Variants in TRIM24 observed in about 807,000 individuals in gnomAD.
The protein encoded by TRIM24 is transcription intermediary factor 1-alpha.
In TRIM24, 29 loss-of-function variants were observed where a neutral mutation model predicts 123.9. The observed-to-expected ratio is 0.23, with a 90% CI of 0.17 to 0.32. The LOEUF (loss-of-function observed/expected upper bound fraction) is 0.32, where lower values mean the gene tolerates loss of function less well. Among genes scored for constraint, TRIM24 ranks in the 10% least tolerant of loss-of-function variants. The pLI is 1.00. For missense variants in TRIM24, 932 were observed against 1,295.3 expected, an observed-to-expected ratio of 0.72 and a Z score of 4.31; for synonymous variants, 456 against 461.1, an observed-to-expected ratio of 0.99 and a Z score of 0.14.
chr7:138,545,614 G>A, intron 7 of TRIM24: 1 of 436,532 alleles, frequency 2.3e-6, no homozygotes, highest in Admixed American at 2.4e-5. Context: ...ATGTCCATCT[G>A]TATGTGTGTA....
At chr7:138,515,048 T>C (rs1288411644) in intron 2 of TRIM24, among the ~76,000 whole-genome samples, 164 bp from the exon 3 acceptor site, 2 of 152,244 alleles carry the variant, frequency 1.3e-5, no homozygotes, top group African/African-American at 4.8e-5. Context: ...TTTTCATTTC[T>C]TATGTGTATA....
At chr7:138,463,296 G>C (rs779968490) in intron 1 of TRIM24, among the ~76,000 whole-genome samples, 1 of 151,162 alleles carries the variant, frequency 6.6e-6, no homozygotes. Context: ...TCGCTTTGTC[G>C]TTCAGGCTGG....
chr7:138,571,133 T>G (rs1584744798), intron 11 of TRIM24, 130 bp downstream of exon 11: 4 of 888,292 alleles, frequency 4.5e-6, no homozygotes, highest in East Asian at 2.6e-5. Flanking sequence ...AGTTCGAGAC[T>G]AGCCTGGCCA....
chr7:138,496,783 G>A (rs961372473), intron 1 of TRIM24, among the ~76,000 whole-genome samples: 1 of 151,990 alleles, frequency 6.6e-6, no homozygotes, highest in African/African-American at 2.4e-5. Context: ...TTTCAGGCAT[G>A]AGCCTCTGTG....
intron 1 of TRIM24, among the ~76,000 whole-genome samples, chr7:138,481,951 A>C (rs1795536283): frequency 6.6e-6 from 1 of 152,188 alleles, no homozygotes; most frequent in Non-Finnish European, 1.5e-5. Context: ...CCTGCTATCC[A>C]AGCCCCATTA....
intron 16 of TRIM24, among the ~76,000 whole-genome samples, chr7:138,581,488 A>C (rs902221257): frequency 1.3e-5 from 2 of 152,250 alleles, no homozygotes; most frequent in African/African-American, 4.8e-5. Context: ...ATGGTTTTCT[A>C]GTGATTGTCT....
At chr7:138,498,345 C>T (rs551584051) in intron 1 of TRIM24, among the ~76,000 whole-genome samples, 84 of 152,252 alleles carry the variant, frequency 5.5e-4, no homozygotes, top group African/African-American at 1.9e-3. Flanking sequence ...CTGCCTCAGC[C>T]TCCCGAGTAG....
intron 1 of TRIM24, among the ~76,000 whole-genome samples, chr7:138,465,734 T>A (rs1795121125): frequency 6.6e-6 from 1 of 152,196 alleles, no homozygotes; most frequent in Non-Finnish European, 1.5e-5. Context: ...GTCCTATATA[T>A]ATAAAAATAT....
chr7:138,572,356 T>G (rs571951299), intron 11 of TRIM24, among the ~76,000 whole-genome samples: 1 of 152,316 alleles, frequency 6.6e-6, no homozygotes, highest in South Asian at 2.1e-4. Context: ...TTTGTACTCT[T>G]TGAAAAATAT....
intron 1 of TRIM24, among the ~76,000 whole-genome samples, chr7:138,484,950 T>TA (rs1795611506): frequency 1.3e-5 from 2 of 152,060 alleles, no homozygotes; most frequent in African/African-American, 4.8e-5. Context: ...TTTATATAAA[T>TA]TTTCAATTTT....
intron 7 of TRIM24, among the ~76,000 whole-genome samples, chr7:138,541,130 C>T (rs1005813382): frequency 6.6e-6 from 1 of 152,132 alleles, no homozygotes; most frequent in Admixed American, 6.5e-5. Context: ...TGAACCACTG[C>T]ACCCAGCCGC....
intron 1 of TRIM24, among the ~76,000 whole-genome samples, chr7:138,478,303 T>C (rs1795447466): frequency 6.6e-6 from 1 of 152,084 alleles, no homozygotes; most frequent in Non-Finnish European, 1.5e-5. Flanking sequence ...ACTAGTATAA[T>C]TAAAGGAAAC....
At chr7:138,461,075 C>T (rs1020058896) in intron 1 of TRIM24, 163 bp downstream of exon 1, 1 of 816,566 alleles carries the variant, frequency 1.2e-6, no homozygotes, top group Non-Finnish European at 2.0e-6. Context: ...ATGGAGGGCC[C>T]GCGCTCTGCG....
chr7:138,538,124 C>T (rs1796931911), intron 6 of TRIM24, among the ~76,000 whole-genome samples: 1 of 152,182 alleles, frequency 6.6e-6, no homozygotes, highest in South Asian at 2.1e-4. Flanking sequence ...GATGTTAATT[C>T]TCAATAGACA....
intron 6 of TRIM24, among the ~76,000 whole-genome samples, chr7:138,533,764 T>C (rs1796802329): frequency 6.6e-6 from 1 of 152,214 alleles, no homozygotes; most frequent in East Asian, 1.9e-4. Context: ...GTTTTTCTAT[T>C]CGTTGGAATA....
At chr7:138,513,294 A>G (rs1338498602) in intron 2 of TRIM24, among the ~76,000 whole-genome samples, 1 of 152,086 alleles carries the variant, frequency 6.6e-6, no homozygotes, top group Non-Finnish European at 1.5e-5. Flanking sequence ...AATTCTGCCC[A>G]TTACCCAGTT....
intron 1 of TRIM24, chr7:138,490,679 C>T (rs1186498489): frequency 7.4e-6 from 3 of 407,710 alleles, no homozygotes; most frequent in Non-Finnish European, 4.7e-6. Context: ...CACTGTGAAG[C>T]TCCATGAGTT....
At position 138,585,157 on chromosome 7, in the gene TRIM24, GAAGA is replaced by G. The variant is rs751484022; in HGVS notation, c.*213_*216del. On this transcript the variant is annotated 3_prime_UTR_variant, in exon 19 of 19. Transcript: ENST00000343526. ...AAGAAAGGAAAGAAGGAGATGAATA[GAAGA>G]AAGAAAATGGAAAGAAGGAAAAAAG... 5 of 380,706 alleles carry G rather than the reference GAAGA, an allele frequency of 1.3e-5. No individual in the cohort carries two copies. The South Asian group carries it at 2.5e-4, about 19-fold the overall frequency. 23.6% of individuals were successfully genotyped at this position (380,706 alleles called of 1,614,324 possible).
intron 6 of TRIM24, among the ~76,000 whole-genome samples, chr7:138,531,005 G>A (rs1376131408): frequency 6.6e-6 from 1 of 152,074 alleles, no homozygotes; most frequent in South Asian, 2.1e-4. Context: ...CCAGGCTCGA[G>A]TGTAGTGGTA....
Sources: gnomAD v4.1 joint callset for allele counts (sites outside exome capture counted in the v4.1 genomes callset) on GRCh38, gnomAD v4.1.1 for gene constraint, MANE v1.5 for transcripts, NCBI Gene and HGNC (gene_info 2026-07-23, HGNC 2026-07-21) for gene names.